Variants in CYB5B observed in about 807,000 individuals in gnomAD.
The protein encoded by CYB5B is cytochrome b5 type B (outer mitochondrial membrane).
Under a neutral mutation model 21.3 loss-of-function variants are expected in CYB5B, and 14 were observed. The ratio of observed to expected loss-of-function variants is 0.66; its 90% confidence interval spans 0.43 to 1.03. The LOEUF is 1.03. Ranked by LOEUF, CYB5B falls within the 50% of genes least tolerant of loss-of-function variation. The probability of loss-of-function intolerance (pLI) is 0.00; values close to 1 mark genes in which losing one functional copy is unlikely to be tolerated. For synonymous variants in CYB5B, 69 were observed against 68.4 expected (o/e 1.01, Z -0.04); for missense variants, 166 against 185.1 (o/e 0.90, Z 0.60).
rs1342921040 is a variant in CYB5B, at chr16:69,463,606, T to A, written c.*1086T>A. The A allele has an allele frequency of 6.6e-6, 1 of 152,188 alleles. No homozygotes were observed. The highest frequency in any genetic ancestry group is 2.4e-5 in the African/African-American group (1 of 41,434). The allele number at this position is 152,188 out of a possible 1,614,324, so 9.4% of individuals were successfully genotyped here. A position where few individuals can be genotyped will look rare whatever the true frequency, so the allele number is the denominator to read the frequency against. ...TTGTTGATTAGCAAATTTTTGATTC[T>A]CCATTTTCCAAAAGTAAGAGACTCC... On this transcript the variant is annotated 3_prime_UTR_variant, in exon 5 of 5. Transcript: ENST00000307892.
chr16:69,441,931 G>A (rs1170408589), intron 1 of CYB5B, among the ~76,000 whole-genome samples: 1 of 152,032 alleles, frequency 6.6e-6, no homozygotes, highest in Non-Finnish European at 1.5e-5. Flanking sequence ...ACTTTTCCTG[G>A]CCCTGGATAA....
intron 1 of CYB5B, among the ~76,000 whole-genome samples, chr16:69,442,825 C>CTT (rs11436895): frequency 5.1e-5 from 7 of 136,154 alleles, no homozygotes; most frequent in East Asian, 4.4e-4. Flanking sequence ...CCTAGCTATC[C>CTT]TTTTTTTTTT....
intron 1 of CYB5B, among the ~76,000 whole-genome samples, chr16:69,431,661 C>G (rs1210144954): frequency 6.6e-6 from 1 of 152,006 alleles, no homozygotes; most frequent in Non-Finnish European, 1.5e-5. Context: ...AGTCCCAGCT[C>G]CTCAGGAGGC....
At position 69,463,515 on chromosome 16, in the gene CYB5B, T is replaced by C. The variant is rs1047821935; in HGVS notation, c.*995T>C. 2.2e-4 allele frequency: 34 copies of C among 152,340 alleles called. No homozygotes were observed. Among genetic ancestry groups the C allele is most frequent in the African/African-American group, 7.7e-4 (32 of 41,566 alleles). 9.4% of individuals were successfully genotyped at this position (152,340 alleles called of 1,614,324 possible). ...TTTTTTCTACCCTAGCTATCTTTTA[T>C]TGGTAAAATATAAATGTATAATTAT... is the stretch of plus-strand genomic sequence containing the variant. On this transcript the variant is annotated 3_prime_UTR_variant, in exon 5 of 5. Transcript: ENST00000307892.
chr16:69,427,793 A>G (rs909952870), intron 1 of CYB5B, among the ~76,000 whole-genome samples: 1 of 152,030 alleles, frequency 6.6e-6, no homozygotes, highest in African/African-American at 2.4e-5. Context: ...AAGGAGTTCC[A>G]GACCAGCCTG....
At chr16:69,438,577 G>T (rs1255794150) in intron 1 of CYB5B, among the ~76,000 whole-genome samples, 1 of 149,000 alleles carries the variant, frequency 6.7e-6, no homozygotes, top group Non-Finnish European at 1.5e-5. Context: ...CAGGTGTAAA[G>T]TGGTGTCTCG....
Position 69,448,148 on chromosome 16 carries a change from A to G in CYB5B, c.333+4A>G, listed in dbSNP as rs1006726028. On this transcript the variant is annotated splice_donor_region_variant and intron_variant, in intron 3 of 4. Coordinates refer to ENST00000307892, the MANE Select transcript of CYB5B (RefSeq NM_030579.3). ...TAAACCTGAAAGTGGTAGCAAGGTA[A>G]GAAGTCAGCGGTTTGTCTTGTGTTT... 3.1e-6 allele frequency: 5 copies of G among 1,613,178 alleles called. No homozygotes were observed. Among genetic ancestry groups the G allele is most frequent in the Non-Finnish European group, 4.2e-6 (5 of 1,179,786 alleles).
At chr16:69,456,897 A>G (rs1326957524) in intron 3 of CYB5B, among the ~76,000 whole-genome samples, 1 of 152,210 alleles carries the variant, frequency 6.6e-6, no homozygotes, top group African/African-American at 2.4e-5. Flanking sequence ...CTGGCTGCTA[A>G]GAGCTGTGCC....
At chr16:69,427,530 G>GTT (rs112240866) in intron 1 of CYB5B, among the ~76,000 whole-genome samples, 1 of 151,466 alleles carries the variant, frequency 6.6e-6, no homozygotes, top group South Asian at 2.1e-4. Context: ...CTGCAGTTTT[G>GTT]TTTTTTTTGT....
At chr16:69,435,963 T>C (rs1309175817) in intron 1 of CYB5B, among the ~76,000 whole-genome samples, 5 of 152,168 alleles carry the variant, frequency 3.3e-5, no homozygotes. Flanking sequence ...ATAGAAAGAA[T>C]GCTCTCTGCC....
intron 3 of CYB5B, chr16:69,448,825 C>G (rs1214562267): frequency 6.6e-6 from 1 of 152,182 alleles, no homozygotes; most frequent in Admixed American, 6.5e-5. Flanking sequence ...ACACAGCACT[C>G]TAATTTAAAG....
In CYB5B at chr16:69,466,024, T is replaced by G. The variant is rs3743671; in HGVS notation, c.*3504T>G. On this transcript the variant is annotated 3_prime_UTR_variant, in exon 5 of 5. Transcript: ENST00000307892. ...TTCAGTAGCTGCTCTTTGCCCACGC[T>G]TGTATCCTACGTTTGCTATTTGGGC... 19,541 of 152,510 alleles carry G rather than the reference T, an allele frequency of 0.13. 2,404 individuals carry two copies. Among genetic ancestry groups the G allele is most frequent in the African/African-American group, 0.33 (13,653 of 41,450 alleles). The allele number at this position is 152,510 out of a possible 1,614,324, so 9.4% of individuals were successfully genotyped here.
chr16:69,457,188 T>C (rs1425087299), intron 3 of CYB5B, among the ~76,000 whole-genome samples: 1 of 152,210 alleles, frequency 6.6e-6, no homozygotes, highest in Non-Finnish European at 1.5e-5. Flanking sequence ...GCTGTCTTTG[T>C]TCTCTTTCTT....
At chr16:69,452,997 C>CAAA (rs71385608) in intron 3 of CYB5B, among the ~76,000 whole-genome samples, 2 of 133,278 alleles carry the variant, frequency 1.5e-5, no homozygotes, top group Non-Finnish European at 3.2e-5. Context: ...GACTCTGTCT[C>CAAA]AAAAAAAAAA....
At chr16:69,426,824 AC>A (rs2014652650) in intron 1 of CYB5B, among the ~76,000 whole-genome samples, 1 of 151,780 alleles carries the variant, frequency 6.6e-6, no homozygotes, top group Non-Finnish European at 1.5e-5. Flanking sequence ...AGCAGATTTG[AC>A]AGATCCCTTG....
At chr16:69,430,744 G>A (rs1597279305) in intron 1 of CYB5B, among the ~76,000 whole-genome samples, 2 of 150,630 alleles carry the variant, frequency 1.3e-5, no homozygotes, top group East Asian at 3.9e-4. Context: ...CATGGTCTCA[G>A]CTCACTGCAA....
chr16:69,459,989 G>T (rs892600061), intron 4 of CYB5B, among the ~76,000 whole-genome samples: 2 of 152,056 alleles, frequency 1.3e-5, no homozygotes, highest in Non-Finnish European at 2.9e-5. Context: ...GGTGGCTCAC[G>T]CTTGTAATCC....
At chr16:69,452,341 A>C (rs1195805915) in intron 3 of CYB5B, among the ~76,000 whole-genome samples, 1 of 151,172 alleles carries the variant, frequency 6.6e-6, no homozygotes, top group Non-Finnish European at 1.5e-5. Context: ...AAAAGGTAAA[A>C]AGCCTCATAC....
chr16:69,426,789 G>C (rs1186765153), intron 1 of CYB5B, among the ~76,000 whole-genome samples: 1 of 148,262 alleles, frequency 6.7e-6, no homozygotes, highest in Non-Finnish European at 1.5e-5. Context: ...GGTTCAGAAA[G>C]ATCCTGGTCA....
Sources: gnomAD v4.1 joint callset for allele counts (sites outside exome capture counted in the v4.1 genomes callset) on GRCh38, gnomAD v4.1.1 for gene constraint, MANE v1.5 for transcripts, NCBI Gene and HGNC (gene_info 2026-07-23, HGNC 2026-07-21) for gene names.